Variants in BICC1 observed in about 807,000 individuals in gnomAD.
The protein encoded by BICC1 is protein bicaudal C homolog 1.
A neutral mutation model predicts 111.0 loss-of-function variants in BICC1; 43 were observed. The ratio of observed to expected loss-of-function variants is 0.39; its 90% CI spans 0.30 to 0.50. The LOEUF (loss-of-function observed/expected upper bound fraction) is 0.50, where lower values mean the gene tolerates loss of function less well. Among genes scored for constraint, BICC1 ranks in the 20% least tolerant of loss-of-function variants. The pLI, the probability that BICC1 is intolerant of heterozygous loss-of-function variation, is 0.88. For missense variants in BICC1, 1,091 were observed against 1,203.2 expected (o/e 0.91, Z 1.38); for synonymous variants, 467 against 434.4 (o/e 1.07, Z -0.93).
At chr10:58,769,311 C>A (rs112075025) in intron 3 of BICC1, among the ~76,000 whole-genome samples, 364 of 149,640 alleles carry the variant, frequency 2.4e-3, no homozygotes, top group Non-Finnish European at 4.3e-3. Flanking sequence ...CACACACATG[C>A]ACACGCACAG....
At chr10:58,713,045 T>C (rs890520159) in intron 3 of BICC1, among the ~76,000 whole-genome samples, 7 of 152,198 alleles carry the variant, frequency 4.6e-5, no homozygotes, top group African/African-American at 1.7e-4. Context: ...CAAGAATAAC[T>C]CCTTAATGTA....
At position 58,621,148 on chromosome 10, in the gene BICC1, A is replaced by C. The variant is rs1460841450; in HGVS notation, c.237+247A>C. On this transcript the variant is annotated intron_variant, in intron 2 of 20. Transcript: ENST00000373886. ...GCTTAAAGGCAAATAAGCAAAATGT[A>C]AGAGGGCTCAGAGGTGGATCAATTC... Among the ~76,000 whole-genome samples, 7 of 152,314 alleles carry C rather than the reference A, an allele frequency of 4.6e-5. No individual in the cohort carries two copies. In the South Asian group the frequency reaches 6.2e-4, roughly 14 times the overall value.
At chr10:58,792,081 G>C (rs1238704589) in intron 8 of BICC1, among the ~76,000 whole-genome samples, 5 of 152,046 alleles carry the variant, frequency 3.3e-5, no homozygotes, top group Non-Finnish European at 7.4e-5. Context: ...CATGAGCCAT[G>C]GTTCCCGGCT....
At position 58,678,486 on chromosome 10, in the gene BICC1, A is replaced by C. The variant is rs1206755589; in HGVS notation, c.238-23588A>C. On this transcript the variant is annotated intron_variant, in intron 2 of 20. Coordinates refer to ENST00000373886, the MANE Select transcript of BICC1 (RefSeq NM_001080512.3). ...GACAAAGGGTGCAAAAAGAGGAGCT[A>C]ACTGTCCTAAATATATATGCACCCA... 2.0e-5 allele frequency among the ~76,000 whole-genome samples: 3 copies of C among 152,296 alleles called. No individual in the cohort carries two copies. In the East Asian group the frequency reaches 5.8e-4, roughly 29 times the overall value.
intron 2 of BICC1, among the ~76,000 whole-genome samples, chr10:58,627,879 C>G (rs1043809928): frequency 1.3e-5 from 2 of 151,936 alleles, no homozygotes; most frequent in South Asian, 4.1e-4. Context: ...TAAAAATAAC[C>G]TAAGTACTCA....
At chr10:58,759,849 C>T (rs1169353783) in intron 3 of BICC1, among the ~76,000 whole-genome samples, 3 of 151,884 alleles carry the variant, frequency 2.0e-5, no homozygotes, top group Non-Finnish European at 4.4e-5. Context: ...GTCCCAGCTA[C>T]TCAGGAGGCT....
At chr10:58,803,715 T>C (rs912641505) in intron 15 of BICC1, among the ~76,000 whole-genome samples, 1 of 152,204 alleles carries the variant, frequency 6.6e-6, no homozygotes, top group African/African-American at 2.4e-5. Context: ...TATTGATGAT[T>C]GTGTTGGTTC....
chr10:58,641,219 C>A (rs1038585513), intron 2 of BICC1, among the ~76,000 whole-genome samples: 2 of 152,110 alleles, frequency 1.3e-5, no homozygotes, highest in Non-Finnish European at 2.9e-5. Context: ...ACAGTGCAAT[C>A]CCCAGGAAAT....
intron 2 of BICC1, among the ~76,000 whole-genome samples, chr10:58,700,890 T>C (rs1840212472): frequency 6.6e-6 from 1 of 152,142 alleles, no homozygotes; most frequent in African/African-American, 2.4e-5. Context: ...TCTGAATTGT[T>C]CTATGAAGTT....
At chr10:58,562,619 C>CT (rs1415663683) in intron 1 of BICC1, among the ~76,000 whole-genome samples, 2 of 151,824 alleles carry the variant, frequency 1.3e-5, no homozygotes, top group African/African-American at 4.8e-5. Context: ...TATAAATTTC[C>CT]TTTTTTGGTG....
intron 2 of BICC1, among the ~76,000 whole-genome samples, chr10:58,647,471 A>G (rs4948531): frequency 1 from 152,236 of 152,278 alleles, 76,097 homozygotes; most frequent in Middle Eastern, 1. Context: ...CATGAGTTTC[A>G]GAAGCATTTT....
At chr10:58,735,601 C>T (rs576788388) in intron 3 of BICC1, among the ~76,000 whole-genome samples, 2 of 152,252 alleles carry the variant, frequency 1.3e-5, no homozygotes, top group Non-Finnish European at 2.9e-5. Flanking sequence ...CAGAAGTTAC[C>T]ATCCCCATTT....
At chr10:58,790,059 T>A in intron 8 of BICC1, 126 bp downstream of exon 8, 1 of 1,092,220 alleles carries the variant, frequency 9.2e-7, no homozygotes, top group East Asian at 2.4e-5. Flanking sequence ...AATAAGGAAG[T>A]TTCTTGCTAA....
At chr10:58,731,167 A>G (rs1385592525) in intron 3 of BICC1, among the ~76,000 whole-genome samples, 1 of 152,190 alleles carries the variant, frequency 6.6e-6, no homozygotes, top group African/African-American at 2.4e-5. Context: ...ACAAGTTTAA[A>G]GTTCCACAGA....
Position 58,787,051 on chromosome 10 carries a change from C to A in BICC1, c.516C>A (p.Asn172Lys). 1 of 1,586,592 alleles carries A rather than the reference C, an allele frequency of 6.3e-7. No individual in the cohort carries two copies. Among genetic ancestry groups the A allele is most frequent in the Non-Finnish European group, 8.5e-7 (1 of 1,170,132 alleles). Residue 172 changes from asparagine to lysine, a missense_variant, in exon 5 of 21, where the codon AAC becomes AAA. Coordinates refer to ENST00000373886, the MANE Select transcript of BICC1 (RefSeq NM_001080512.3). Reference protein sequence around the residue: ...TGCHIHFPDSNRNNQAEKSNQ... With the variant: ...TGCHIHFPDSKRNNQAEKSNQ... ...GCCATATCCACTTTCCAGATTCCAA[C>A]AGGAATAACCAAGCAGAAAAAAGCA... is the stretch of plus-strand genomic sequence containing the variant.
At chr10:58,753,677 AAC>A (rs918727320) in intron 3 of BICC1, among the ~76,000 whole-genome samples, 3 of 151,388 alleles carry the variant, frequency 2.0e-5, no homozygotes, top group East Asian at 3.9e-4. Context: ...TAAGTTGGAA[AAC>A]ACACACACAG....
At chr10:58,536,254 C>G (rs1392248035) in intron 1 of BICC1, among the ~76,000 whole-genome samples, 2 of 151,782 alleles carry the variant, frequency 1.3e-5, no homozygotes, top group East Asian at 3.9e-4. Context: ...TCAAGAACTA[C>G]CCAAGAACTG....
chr10:58,570,047 T>C (rs1843898429), intron 1 of BICC1, among the ~76,000 whole-genome samples: 1 of 152,144 alleles, frequency 6.6e-6, no homozygotes, highest in Admixed American at 6.6e-5. Context: ...ATTCTCTCCA[T>C]CATCTGTTGT....
At chr10:58,720,017 C>T (rs771892470) in intron 3 of BICC1, among the ~76,000 whole-genome samples, 69 of 152,184 alleles carry the variant, frequency 4.5e-4, no homozygotes, top group Non-Finnish European at 9.7e-4. Context: ...TCTCTTATGA[C>T]TGACATGAAT....
Sources: allele counts gnomAD v4.1 joint callset (sites outside exome capture counted in the v4.1 genomes callset), GRCh38; gene constraint gnomAD v4.1.1; transcripts MANE v1.5; gene names NCBI Gene and HGNC (gene_info 2026-07-23, HGNC 2026-07-21).